CAMKMT: variants seen among roughly 807,000 people sequenced by gnomAD.
The protein encoded by CAMKMT is calmodulin-lysine N-methyltransferase, also known as CaM KMT.
CAMKMT carries 53 observed loss-of-function variants against 48.0 expected under a neutral mutation model. The ratio of observed to expected loss-of-function variants is 1.10; its 90% CI spans 0.89 to 1.39. The LOEUF (loss-of-function observed/expected upper bound fraction) is 1.39, where lower values mean the gene tolerates loss of function less well. Among genes scored for constraint, CAMKMT ranks in the 40% most tolerant of loss-of-function variants. The pLI, the probability that CAMKMT is intolerant of heterozygous loss-of-function variation, is 0.00. For missense variants in CAMKMT, 428 were observed against 402.7 expected (o/e 1.06, Z -0.54); for synonymous variants, 165 against 152.3 (o/e 1.08, Z -0.61).
rs59024414 is a variant in CAMKMT at position 44,505,842 on chromosome 2, C to CTTTATTTA, written c.376+115573_376+115580dup. Among the ~76,000 whole-genome samples the CTTTATTTA allele has an allele frequency of 5.5e-3, 822 of 148,424 alleles. 6 individuals are homozygous for CTTTATTTA. The highest frequency in any genetic ancestry group is 0.017 in the African/African-American group (665 of 40,148). On this transcript the variant is annotated intron_variant, in intron 3 of 10. Coordinates refer to ENST00000378494, the MANE Select transcript of CAMKMT (RefSeq NM_024766.5). ...TAAGGAGAAACAAGGAGTTTATTTACTTTATTTATTTATTTATTTATTTAT... is the reference window on the plus strand; with the variant it reads ...TAAGGAGAAACAAGGAGTTTATTTACTTTATTTATTTATTTATTTATTTATTTATTTAT...
chr2:44,456,791 A>G, intron 3 of CAMKMT: 1 of 550,978 alleles, frequency 1.8e-6, no homozygotes, highest in Non-Finnish European at 3.0e-6. Context: ...TTAATCAGCT[A>G]TCCTATTTTC....
chr2:44,704,260 G>T (rs924791034), intron 3 of CAMKMT, 23 bp from the exon 4 acceptor site: 5 of 1,600,668 alleles, frequency 3.1e-6, no homozygotes, highest in African/African-American at 2.7e-5. Flanking sequence ...TAATCAAAAG[G>T]TTTATCCTCT....
intron 3 of CAMKMT, among the ~76,000 whole-genome samples, chr2:44,675,565 G>A (rs1675637187): frequency 6.6e-6 from 1 of 152,104 alleles, no homozygotes; most frequent in Admixed American, 6.5e-5. Context: ...TTTGTCAGAT[G>A]TTGTGCCAAG....
At chr2:44,594,392 C>T (rs1347528128) in intron 3 of CAMKMT, among the ~76,000 whole-genome samples, 18 of 152,170 alleles carry the variant, frequency 1.2e-4, no homozygotes, top group Admixed American at 5.9e-4. Context: ...GGAAGCATCA[C>T]GCTACCTGAC....
chr2:44,562,173 G>A (rs1016121900), intron 3 of CAMKMT, among the ~76,000 whole-genome samples: 4 of 152,180 alleles, frequency 2.6e-5, no homozygotes, highest in Admixed American at 2.6e-4. Flanking sequence ...CTAGTGGTGA[G>A]CCAGTGAGAG....
chr2:44,591,438 G>A (rs1670264234), intron 3 of CAMKMT, among the ~76,000 whole-genome samples: 2 of 151,942 alleles, frequency 1.3e-5, no homozygotes, highest in South Asian at 4.2e-4. Flanking sequence ...ATTGAGCAGT[G>A]GTTTGTAGTT....
At chr2:44,432,539 G>T (rs1340638864) in intron 3 of CAMKMT, among the ~76,000 whole-genome samples, 1 of 152,276 alleles carries the variant, frequency 6.6e-6, no homozygotes, top group South Asian at 2.1e-4. Flanking sequence ...TATGTCAAAT[G>T]GGTTTTCAAG....
intron 3 of CAMKMT, among the ~76,000 whole-genome samples, chr2:44,526,178 C>G (rs773376353): frequency 6.6e-6 from 1 of 152,268 alleles, no homozygotes; most frequent in African/African-American, 2.4e-5. Flanking sequence ...AGCAATATGC[C>G]TCTTTCCCAA....
chr2:44,545,658 G>C (rs1004094401), intron 3 of CAMKMT, among the ~76,000 whole-genome samples: 1 of 149,350 alleles, frequency 6.7e-6, no homozygotes, highest in African/African-American at 2.4e-5. Context: ...GAAGAATCCG[G>C]TGTTCTAACT....
At chr2:44,498,733 C>G (rs1669872800) in intron 3 of CAMKMT, among the ~76,000 whole-genome samples, 2 of 152,122 alleles carry the variant, frequency 1.3e-5, no homozygotes, top group Admixed American at 6.5e-5. Context: ...GATTTAATTC[C>G]CCTTTTGGCT....
chr2:44,413,127 T>C (rs2104484175), intron 3 of CAMKMT, among the ~76,000 whole-genome samples: 1 of 151,558 alleles, frequency 6.6e-6, no homozygotes, highest in Non-Finnish European at 1.5e-5. Context: ...AATAATAAAC[T>C]AATGGTGTTA....
chr2:44,478,733 C>T (rs1668816754), intron 3 of CAMKMT, among the ~76,000 whole-genome samples: 2 of 141,244 alleles, frequency 1.4e-5, no homozygotes, highest in South Asian at 4.4e-4. Context: ...AGGCGTCTCG[C>T]TCTGTCGCCC....
chr2:44,601,311 C>T (rs2103857756), intron 3 of CAMKMT, among the ~76,000 whole-genome samples: 1 of 152,096 alleles, frequency 6.6e-6, no homozygotes, highest in East Asian at 1.9e-4. Context: ...ACAAAATTAG[C>T]CAGGCATGGT....
chr2:44,527,364 C>T (rs151140560), intron 3 of CAMKMT, among the ~76,000 whole-genome samples: 1,701 of 132,812 alleles, frequency 0.013, 37 homozygotes, highest in East Asian at 0.1. Flanking sequence ...AATATATATA[C>T]GTATATACAT....
At chr2:44,661,893 A>G (rs1411461264) in intron 3 of CAMKMT, among the ~76,000 whole-genome samples, 1 of 152,222 alleles carries the variant, frequency 6.6e-6, no homozygotes, top group Non-Finnish European at 1.5e-5. Flanking sequence ...ATCTCTAGTG[A>G]CTACATGAGT....
At chr2:44,366,186 C>A (rs912949808) in intron 1 of CAMKMT, among the ~76,000 whole-genome samples, 1 of 152,134 alleles carries the variant, frequency 6.6e-6, no homozygotes, top group Non-Finnish European at 1.5e-5. Context: ...TAATTAATGA[C>A]AAGTTAAATA....
At chr2:44,591,744 C>T (rs1309300240) in intron 3 of CAMKMT, among the ~76,000 whole-genome samples, 2 of 151,968 alleles carry the variant, frequency 1.3e-5, no homozygotes, top group East Asian at 1.9e-4. Context: ...AATCATGCTG[C>T]TATAAAGACA....
chr2:44,573,927 C>T (rs1669061868), intron 3 of CAMKMT, among the ~76,000 whole-genome samples: 1 of 152,076 alleles, frequency 6.6e-6, no homozygotes, highest in Middle Eastern at 3.2e-3. Flanking sequence ...TGAGTTTCTG[C>T]TTTAATTATT....
chr2:44,375,395 T>C (rs796374971), intron 2 of CAMKMT, among the ~76,000 whole-genome samples: 4 of 151,414 alleles, frequency 2.6e-5, no homozygotes, highest in African/African-American at 9.7e-5. Context: ...CAGAAATAAA[T>C]ATAAATATAC....
Sources: allele counts gnomAD v4.1 joint callset (sites outside exome capture counted in the v4.1 genomes callset), GRCh38; gene constraint gnomAD v4.1.1; transcripts MANE v1.5; gene names NCBI Gene and HGNC (gene_info 2026-07-23, HGNC 2026-07-21).